HMGA2: variants seen among roughly 807,000 people sequenced by gnomAD.
HMGA2 encodes high mobility group protein HMGI-C.
HMGA2 carries 8 observed loss-of-function variants against 19.1 expected under a neutral mutation model. The observed-to-expected ratio is 0.42, with a 90% CI of 0.25 to 0.76. The LOEUF is 0.76. Among genes scored for constraint, HMGA2 ranks in the 30% least tolerant of loss-of-function variants. The pLI is 0.28. For synonymous variants in HMGA2, 60 were observed against 48.8 expected (o/e 1.23, Z -0.96); for missense variants, 109 against 136.3 (o/e 0.80, Z 1.00).
At chr12:65,845,855 C>T (rs543979535) in intron 3 of HMGA2, among the ~76,000 whole-genome samples, 1 of 152,306 alleles carries the variant, frequency 6.6e-6, no homozygotes, top group East Asian at 1.9e-4. Context: ...TTTATTGCTC[C>T]AGCCAGCTCT....
intron 3 of HMGA2, among the ~76,000 whole-genome samples, chr12:65,947,338 C>T (rs750996833): frequency 2.2e-4 from 33 of 152,164 alleles, no homozygotes; most frequent in Non-Finnish European, 4.6e-4. Flanking sequence ...TGGTCTCGAA[C>T]TCGTGAGCTC....
At chr12:65,853,354 C>G (rs746672111) in intron 3 of HMGA2, among the ~76,000 whole-genome samples, 1 of 152,114 alleles carries the variant, frequency 6.6e-6, no homozygotes, top group Non-Finnish European at 1.5e-5. Flanking sequence ...TTTATAGAAG[C>G]AAGAAACTTC....
intron 3 of HMGA2, among the ~76,000 whole-genome samples, chr12:65,928,320 A>G (rs1169476595): frequency 6.6e-6 from 1 of 152,220 alleles, no homozygotes; most frequent in Non-Finnish European, 1.5e-5. Context: ...ACACCTGTAT[A>G]GGGCACTTAC....
intron 3 of HMGA2, among the ~76,000 whole-genome samples, chr12:65,840,767 A>T (rs1273452301): frequency 2.6e-5 from 4 of 152,244 alleles, no homozygotes; most frequent in Non-Finnish European, 5.9e-5. Context: ...AATAGGCAAC[A>T]TAATAGAAAA....
intron 3 of HMGA2, chr12:65,866,873 C>A (rs532722929): frequency 7.4e-5 from 34 of 457,168 alleles, no homozygotes; most frequent in South Asian, 2.3e-4. Context: ...TCAAATTTTT[C>A]TTTCTGCTGC....
At chr12:65,868,821 T>C (rs1010103456) in intron 3 of HMGA2, among the ~76,000 whole-genome samples, 3 of 152,220 alleles carry the variant, frequency 2.0e-5, no homozygotes, top group African/African-American at 7.2e-5. Context: ...TGATTAGTGG[T>C]ATTTATTGGT....
chr12:65,867,269 A>G (rs1366079896), intron 3 of HMGA2, among the ~76,000 whole-genome samples: 1 of 152,200 alleles, frequency 6.6e-6, no homozygotes, highest in African/African-American at 2.4e-5. Flanking sequence ...CCACTGAGAC[A>G]TCGAGTTCTT....
At chr12:65,918,957 T>C (rs903682090) in intron 3 of HMGA2, among the ~76,000 whole-genome samples, 40 of 152,116 alleles carry the variant, frequency 2.6e-4, no homozygotes, top group African/African-American at 8.9e-4. Flanking sequence ...CCTTGAGATG[T>C]AAAAAAATGT....
chr12:65,933,338 T>C (rs1407996893), intron 3 of HMGA2, among the ~76,000 whole-genome samples: 1 of 152,196 alleles, frequency 6.6e-6, no homozygotes, highest in Non-Finnish European at 1.5e-5. Flanking sequence ...TTGTTTTTTA[T>C]TATTGTACTA....
chr12:65,842,073 C>CGT (rs900169164), intron 3 of HMGA2: 23 of 1,281,430 alleles, frequency 1.8e-5, no homozygotes, highest in Non-Finnish European at 2.2e-5. Context: ...CATGTGTGTG[C>CGT]GTGTGTGTGT....
intron 3 of HMGA2, among the ~76,000 whole-genome samples, chr12:65,860,638 C>A (rs941629326): frequency 6.6e-6 from 1 of 152,186 alleles, no homozygotes; most frequent in Non-Finnish European, 1.5e-5. Flanking sequence ...ACAAAAAATA[C>A]GTGGCTAGGC....
chr12:65,896,966 G>A (rs912735494), intron 3 of HMGA2, among the ~76,000 whole-genome samples: 2 of 152,194 alleles, frequency 1.3e-5, no homozygotes, highest in Admixed American at 6.5e-5. Context: ...GGGGTAACTC[G>A]TCACTGTTGT....
intron 3 of HMGA2, chr12:65,874,310 A>G (rs1445505563): frequency 1.3e-5 from 2 of 151,878 alleles, no homozygotes; most frequent in African/African-American, 4.8e-5. Context: ...ATTTAAAGCT[A>G]TATAAAGTCT....
intron 3 of HMGA2, chr12:65,843,557 A>T (rs2120895893): frequency 5.6e-6 from 1 of 179,508 alleles, no homozygotes; most frequent in African/African-American, 2.4e-5. Flanking sequence ...GCTTTATTCT[A>T]AAGATCCCAA....
intron 4 of HMGA2, among the ~76,000 whole-genome samples, chr12:65,960,615 T>G (rs1876726566): frequency 1.3e-5 from 2 of 152,116 alleles, no homozygotes; most frequent in African/African-American, 2.4e-5. Context: ...AAGAGAGAGC[T>G]CTCCACTAAC....
In HMGA2 at chr12:65,824,754, T is replaced by A. The variant is rs1565697629; in HGVS notation, c.-517T>A. 1 of 228,148 alleles carries A rather than the reference T, an allele frequency of 4.4e-6. No individual in the cohort carries two copies. Among genetic ancestry groups the A allele is most frequent in the Non-Finnish European group, 8.5e-6 (1 of 117,000 alleles). The allele number at this position is 228,148 out of a possible 1,614,324, so 14.1% of individuals were successfully genotyped here. ...CTCTCTCTCTCTCTCTCTCTCTCTC[T>A]CTCTCTCTCTCTCTCGCAGGGTGGG... On this transcript the variant is annotated 5_prime_UTR_variant, in exon 1 of 5. Transcript: ENST00000403681.
chr12:65,854,820 C>G (rs1871651548), intron 3 of HMGA2, among the ~76,000 whole-genome samples: 1 of 152,194 alleles, frequency 6.6e-6, no homozygotes, highest in Non-Finnish European at 1.5e-5. Context: ...TCTAAGTACA[C>G]AAGAACTTTG....
At chr12:65,861,104 A>G (rs1304362984) in intron 3 of HMGA2, among the ~76,000 whole-genome samples, 1 of 152,232 alleles carries the variant, frequency 6.6e-6, no homozygotes, top group Non-Finnish European at 1.5e-5. Flanking sequence ...GTGGTGGCTC[A>G]TGCCTATAAT....
At chr12:65,943,215 A>G (rs1002218692) in intron 3 of HMGA2, among the ~76,000 whole-genome samples, 3 of 152,218 alleles carry the variant, frequency 2.0e-5, no homozygotes, top group Non-Finnish European at 4.4e-5. Flanking sequence ...AATATCAATT[A>G]GTATTCGATG....
Sources: allele counts gnomAD v4.1 joint callset (sites outside exome capture counted in the v4.1 genomes callset), GRCh38; gene constraint gnomAD v4.1.1; transcripts MANE v1.5; gene names NCBI Gene and HGNC (gene_info 2026-07-23, HGNC 2026-07-21).